NR1I3: variants seen among roughly 807,000 people sequenced by gnomAD.
NR1I3 encodes nuclear receptor subfamily 1 group I member 3.
A neutral mutation model predicts 38.4 loss-of-function variants in NR1I3; 30 were observed. That is an observed-to-expected ratio of 0.78 (90% CI 0.58 to 1.06). The LOEUF is 1.06. Among genes scored for constraint, NR1I3 ranks in the 50% least tolerant of loss-of-function variants. The pLI, the probability that NR1I3 is intolerant of heterozygous loss-of-function variation, is 0.00. For missense variants in NR1I3, 388 were observed against 435.7 expected (o/e 0.89, Z 0.97); for synonymous variants, 143 against 165.1 (o/e 0.87, Z 1.03).
In NR1I3 at chr1:161,235,903, C is replaced by A; in HGVS notation, c.182G>T (p.Arg61Leu). The change falls in exon 3 of 9, where the codon CGC becomes CTC. Residue 61 changes from arginine (R) to leucine (L), a missense_variant. By Grantham distance (102) the Arg-to-Leu change is moderately radical. Transcript: ENST00000367983. Reference sequence around the variant, plus strand: ...CTGCAACCTGCAGGCTGGGCAGTGGCGCCTCTGAGTCTTGCTGACTTCACA... The same window carrying A: ...CTGCAACCTGCAGGCTGGGCAGTGGAGCCTCTGAGTCTTGCTGACTTCACA... Reference protein sequence around the residue: ...GSCEVSKTQRRHCPACRLQKC... With the variant: ...GSCEVSKTQRLHCPACRLQKC... 1 of 1,613,858 alleles carries A rather than the reference C, an allele frequency of 6.2e-7. No individual in the cohort carries two copies. The highest frequency in any genetic ancestry group is 8.5e-7 in the Non-Finnish European group (1 of 1,179,872).
chr1:161,232,989 C>T (rs1345945390), intron 4 of NR1I3, 43 bp from the exon 5 acceptor site: 2 of 1,610,664 alleles, frequency 1.2e-6, no homozygotes, highest in Admixed American at 1.7e-5. Context: ...GGCCCTAGGG[C>T]CCTCCTTTAG....
At chr1:161,235,569 G>C in intron 3 of NR1I3, 1 of 336,294 alleles carries the variant, frequency 3.0e-6, no homozygotes, top group South Asian at 2.5e-5. Context: ...CGCCCGGCCT[G>C]GTGTTTCTAA....
intron 1 of NR1I3, among the ~76,000 whole-genome samples, chr1:161,237,492 G>A (rs752467480): frequency 5.3e-5 from 8 of 151,676 alleles, no homozygotes; most frequent in Non-Finnish European, 1.2e-4. Flanking sequence ...GGCCGAGGTG[G>A]GCGGATCACC....
rs984177708 is a variant in NR1I3 at position 161,233,201 on chromosome 1, C to T, written c.376G>A (p.Gly126Ser). The T allele has an allele frequency of 9.3e-6, 15 of 1,614,068 alleles. No homozygotes were observed. The Middle Eastern group carries it at 4.9e-4, about 53-fold the overall frequency. The change falls in exon 4 of 9, where the codon GGC (glycine) becomes AGC (serine). Residue 126 changes from glycine (G) to serine (S), a missense_variant. Gly to Ser is a moderately conservative substitution (Grantham distance 56). Transcript: ENST00000367983. Reference sequence around the variant, plus strand: ...TGCACAAACTGTTCAAACATGGTGCCCATGTGGCGGGTGTGGGCCCCCAGG... The same window carrying T: ...TGCACAAACTGTTCAAACATGGTGCTCATGTGGCGGGTGTGGGCCCCCAGG... ...TLLGAHTRHM[G>S]TMFEQFVQFR...
rs1160590975 is a variant in NR1I3 at position 161,231,337 on chromosome 1, C to T, written c.686G>A (p.Gly229Glu). The change falls in exon 6 of 9, where the codon GGA becomes GAA. Residue 229 changes from glycine to glutamate, a missense_variant. Coordinates refer to ENST00000367983, the MANE Select transcript of NR1I3 (RefSeq NM_005122.5). ...CGPLRYTIED[G>E]ARVGFQVEFL... Reference sequence around the variant, plus strand: ...CTCTAGCACCATCTCACCACGGGCTCCATCTTCAATTGTGTAGCGAAGAGG... The same window carrying T: ...CTCTAGCACCATCTCACCACGGGCTTCATCTTCAATTGTGTAGCGAAGAGG... The T allele has an allele frequency of 2.5e-6, 4 of 1,581,072 alleles. No homozygotes were observed. Among genetic ancestry groups the T allele is most frequent in the Non-Finnish European group, 3.4e-6 (4 of 1,164,268 alleles).
At position 161,231,332 on chromosome 1, in the gene NR1I3, G is replaced by A. The variant is rs996672573; in HGVS notation, c.691C>T (p.Arg231Cys). 17 of 1,581,482 alleles carry A rather than the reference G, an allele frequency of 1.1e-5. No homozygotes were observed. The highest frequency in any genetic ancestry group is 1.3e-5 in the Non-Finnish European group (15 of 1,164,520). ...PLRYTIEDGA[R>C]VGFQVEFLEL... ...TATTGCTCTAGCACCATCTCACCACGGGCTCCATCTTCAATTGTGTAGCGA... is the reference window on the plus strand; with the variant it reads ...TATTGCTCTAGCACCATCTCACCACAGGCTCCATCTTCAATTGTGTAGCGA... Residue 231 changes from arginine to cysteine, a missense_variant, in exon 6 of 9, where the codon CGT becomes TGT. Coordinates refer to ENST00000367983, the MANE Select transcript of NR1I3 (RefSeq NM_005122.5).
At chr1:161,231,303 C>T (rs765966809) in intron 6 of NR1I3, 26 bp downstream of exon 6, 1 of 1,607,378 alleles carries the variant, frequency 6.2e-7, no homozygotes, top group Admixed American at 1.7e-5. Flanking sequence ...GGACACATGC[C>T]CCCTATTGCT....
chr1:161,229,747 A>G lies in NR1I3; in HGVS notation c.*50T>C, dbSNP rs1558101274. The G allele has an allele frequency of 1.2e-6, 2 of 1,614,134 alleles. No individual in the cohort carries two copies. Among genetic ancestry groups the G allele is most frequent in the Admixed American group, 1.7e-5 (1 of 60,020 alleles). On this transcript the variant is annotated 3_prime_UTR_variant, in exon 9 of 9. Coordinates refer to ENST00000367983, the MANE Select transcript of NR1I3 (RefSeq NM_005122.5). ...TTTGGTCCCAGCATTTTCCCACTCC[A>G]GTGTATCCAGGGTGTTCCAGGTGAG... is the stretch of plus-strand genomic sequence containing the variant.
rs1491458700 is a variant in NR1I3, at chr1:161,233,891, ATG to A, written c.239-555_239-554del. 4.1e-5 allele frequency among the ~76,000 whole-genome samples: 4 copies of A among 98,578 alleles called. No homozygotes were observed. The South Asian group carries it at 9.9e-4, about 24-fold the overall frequency. 64.7% of individuals were successfully genotyped at this position (98,578 alleles called of 152,430 possible). Reference sequence around the variant, plus strand: ...TGTGTGTGTGTGTGTGTGTGTGTATATGTGTGTGTATATATATGTGTATATAT... The same window carrying A: ...TGTGTGTGTGTGTGTGTGTGTGTATATGTGTGTATATATATGTGTATATAT... On this transcript the variant is annotated intron_variant, in intron 3 of 8. Transcript: ENST00000367983.
intron 4 of NR1I3, 99 bp downstream of exon 4, chr1:161,233,070 T>C: frequency 6.3e-7 from 1 of 1,576,508 alleles, no homozygotes; most frequent in Non-Finnish European, 8.7e-7. Flanking sequence ...TGGAGATCTG[T>C]TCTCAGTATC....
At chr1:161,236,637 C>A in intron 1 of NR1I3, 39 bp from the exon 2 acceptor site, 1 of 1,594,600 alleles carries the variant, frequency 6.3e-7, no homozygotes, top group Non-Finnish European at 8.5e-7. Context: ...TTTGGGCCAC[C>A]CTTGACCCTT....
chr1:161,234,012 T>A (rs1030080137), intron 3 of NR1I3, among the ~76,000 whole-genome samples: 1 of 151,796 alleles, frequency 6.6e-6, no homozygotes, highest in Non-Finnish European at 1.5e-5. Flanking sequence ...TGTTTTGAGA[T>A]GGAGTCTGTC....
Position 161,238,029 on chromosome 1 carries a change from C to T in NR1I3, c.-34+12G>A, listed in dbSNP as rs746759072. 1.2e-6 allele frequency: 2 copies of T among 1,612,206 alleles called. No individual in the cohort carries two copies. The highest frequency in any genetic ancestry group is 3.3e-5 in the Admixed American group (2 of 60,020). ...ATTACATTTAGTCTTTGGTCCCCAA[C>T]AGATTTCCTACCTGCTTCTCTTAGG... On this transcript the variant is annotated intron_variant, in intron 1 of 8. Transcript: ENST00000367983.
intron 2 of NR1I3, chr1:161,236,201 C>T: frequency 3.1e-6 from 2 of 642,650 alleles, no homozygotes; most frequent in South Asian, 2.0e-5. Context: ...AGGTGCTTCA[C>T]AGGCAGTGGG....
intron 1 of NR1I3, among the ~76,000 whole-genome samples, chr1:161,237,206 C>CTTT (rs113293798): frequency 8.7e-4 from 119 of 137,484 alleles, no homozygotes; most frequent in African/African-American, 1.8e-3. Context: ...CCTTTCTTTC[C>CTTT]TTTTTTTTTT....
intron 3 of NR1I3, among the ~76,000 whole-genome samples, chr1:161,233,560 A>G (rs1197836493): frequency 6.6e-6 from 1 of 152,058 alleles, no homozygotes; most frequent in African/African-American, 2.4e-5. Context: ...GCAGCAGAAA[A>G]CTGCACTGTG....
At chr1:161,236,393 G>A in intron 2 of NR1I3, 66 bp downstream of exon 2, 1 of 1,589,558 alleles carries the variant, frequency 6.3e-7, no homozygotes, top group Non-Finnish European at 8.6e-7. Flanking sequence ...ACCAGCGAGG[G>A]TGTAAAGGCT....
intron 7 of NR1I3, 67 bp downstream of exon 7, chr1:161,231,050 C>T (rs1667118033): frequency 6.2e-7 from 1 of 1,613,794 alleles, no homozygotes; most frequent in Non-Finnish European, 8.5e-7. Context: ...GGTGGATGGA[C>T]TCAAGGAGCT....
At chr1:161,231,570 T>G (rs944706436) in intron 5 of NR1I3, 96 bp from the exon 6 acceptor site, 21 of 1,257,078 alleles carry the variant, frequency 1.7e-5, no homozygotes, top group African/African-American at 6.0e-5. Flanking sequence ...GCGTGATCTC[T>G]GCTCACTGTA....
Sources: allele counts gnomAD v4.1 joint callset (sites outside exome capture counted in the v4.1 genomes callset), GRCh38; gene constraint gnomAD v4.1.1; transcripts MANE v1.5; gene names NCBI Gene and HGNC (gene_info 2026-07-23, HGNC 2026-07-21).